The following PLSCR2 variants were observed in gnomAD, a reference collection of about 807,000 sequenced individuals.
PLSCR2 encodes phospholipid scramblase 2, also known as PL scramblase 2.
PLSCR2 carries 18 observed loss-of-function variants against 25.3 expected under a neutral mutation model. The observed-to-expected ratio is 0.71, with a 90% CI of 0.49 to 1.06. The LOEUF is 1.06. Among genes scored for constraint, PLSCR2 ranks in the 50% least tolerant of loss-of-function variants. The pLI is 0.00. For missense variants in PLSCR2, 243 were observed against 269.5 expected, an observed-to-expected ratio of 0.90 and a Z score of 0.69; for synonymous variants, 88 against 87.3, an observed-to-expected ratio of 1.01 and a Z score of -0.04.
intron 1 of PLSCR2, among the ~76,000 whole-genome samples, chr3:146,478,453 C>T (rs1384394420): frequency 6.6e-6 from 1 of 152,056 alleles, no homozygotes; most frequent in Non-Finnish European, 1.5e-5. Flanking sequence ...CATGCACAAG[C>T]TTCAGTAGCT....
chr3:146,432,800 C>T (rs879750842), downstream of PLSCR2, among the ~76,000 whole-genome samples: 17 of 152,240 alleles, frequency 1.1e-4, no homozygotes, highest in South Asian at 4.2e-4. Flanking sequence ...CCTAAAAAGT[C>T]TTCCATATAC....
At chr3:146,460,178 G>A (rs543634543) in exon 1 of PLSCR2, 7 of 1,394,688 alleles carry the variant, frequency 5.0e-6, no homozygotes, top group Non-Finnish European at 6.6e-6. Context: ...TGACCTCTCA[G>A]CTCAGAAGTC....
upstream of PLSCR2, chr3:146,461,713 G>T: frequency 3.3e-6 from 2 of 608,412 alleles, no homozygotes; most frequent in African/African-American, 1.8e-5. Flanking sequence ...GTTCGTGAGA[G>T]AGGAGAGTCA....
intron 6 of PLSCR2, among the ~76,000 whole-genome samples, 161 bp downstream of exon 6, chr3:146,449,045 G>A (rs16858389): frequency 0.028 from 4,259 of 152,202 alleles, 223 homozygotes; most frequent in African/African-American, 0.097. Context: ...TAAATCCAGA[G>A]TATCAGAATC....
At chr3:146,494,655 A>G (rs1434407786) in intron 1 of PLSCR2, 1 of 152,132 alleles carries the variant, frequency 6.6e-6, no homozygotes, top group Non-Finnish European at 1.5e-5. Flanking sequence ...AACCTAAAAT[A>G]CAAACAGTTT....
At chr3:146,426,191 C>T (rs1490828790) in intron 2 of PLSCR2, among the ~76,000 whole-genome samples, 1 of 139,214 alleles carries the variant, frequency 7.2e-6, no homozygotes, top group African/African-American at 2.8e-5. Context: ...TCCTCCCTCC[C>T]TCCTTCCCTC....
exon 2 of PLSCR2, chr3:146,459,902 C>T (rs771464969): frequency 6.2e-7 from 1 of 1,613,778 alleles, no homozygotes; most frequent in East Asian, 2.2e-5. Context: ...GTGGTGCTGG[C>T]ATCCATGGTA....
chr3:146,439,455 T>C (rs2040099580), downstream of PLSCR2, among the ~76,000 whole-genome samples: 1 of 152,204 alleles, frequency 6.6e-6, no homozygotes, highest in Admixed American at 6.5e-5. Context: ...CCCATATTTC[T>C]TGGAGGCTTT....
chr3:146,449,440 T>G, intron 5 of PLSCR2, 73 bp from the exon 6 acceptor site: 1 of 999,158 alleles, frequency 1.0e-6, no homozygotes, highest in Non-Finnish European at 1.5e-6. Context: ...AACACTGGAG[T>G]AAAAGGAAGG....
rs2038307016 is a variant in PLSCR2 at position 146,397,236 on chromosome 3, A to G, written c.101-1315T>C. On this transcript the variant is annotated intron_variant and NMD_transcript_variant, in intron 2 of 3. Coordinates refer to the PLSCR2 transcript ENST00000463633. ...CAGAAACAGGATTAGGGTATTGCAG[A>G]AATATAAGTAATGCAAGTACATGGT... Among the ~76,000 whole-genome samples the G allele has an allele frequency of 3.3e-5, 5 of 152,260 alleles. No homozygotes were observed. The South Asian group carries it at 1.0e-3, about 32-fold the overall frequency.
intron 2 of PLSCR2, among the ~76,000 whole-genome samples, chr3:146,422,837 A>C (rs929639902): frequency 2.6e-5 from 4 of 152,086 alleles, no homozygotes. Flanking sequence ...CAGTGCATAT[A>C]ATTCTCCAAA....
At chr3:146,489,648 T>TA (rs768905495) in intron 1 of PLSCR2, among the ~76,000 whole-genome samples, 26 of 152,142 alleles carry the variant, frequency 1.7e-4, no homozygotes, top group Non-Finnish European at 3.1e-4. Context: ...TCCGAAGTCT[T>TA]AAATGATTCC....
At chr3:146,490,115 T>C (rs1172224538) in intron 1 of PLSCR2, among the ~76,000 whole-genome samples, 1 of 152,084 alleles carries the variant, frequency 6.6e-6, no homozygotes, top group African/African-American at 2.4e-5. Context: ...AATTTCTCTC[T>C]TACTGTGGAC....
At chr3:146,448,056 T>A (rs998615038) in intron 6 of PLSCR2, among the ~76,000 whole-genome samples, 4 of 152,070 alleles carry the variant, frequency 2.6e-5, no homozygotes, top group Non-Finnish European at 5.9e-5. Flanking sequence ...CACTGCCGGG[T>A]ATGGGGGAGG....
chr3:146,449,440 T>C, intron 5 of PLSCR2, 73 bp from the exon 6 acceptor site: 7 of 999,158 alleles, frequency 7.0e-6, no homozygotes, highest in African/African-American at 1.6e-5. Flanking sequence ...AACACTGGAG[T>C]AAAAGGAAGG....
At chr3:146,439,269 C>T (rs772814917), downstream of PLSCR2, among the ~76,000 whole-genome samples, 2 of 152,096 alleles carry the variant, frequency 1.3e-5, no homozygotes, top group African/African-American at 4.8e-5. Flanking sequence ...TTGCTCCTCT[C>T]GAGGAGTATC....
intron 2 of PLSCR2, among the ~76,000 whole-genome samples, chr3:146,400,361 A>C (rs2107996051): frequency 6.6e-6 from 1 of 151,630 alleles, no homozygotes; most frequent in East Asian, 1.9e-4. Flanking sequence ...AAAAAAGTAA[A>C]GTTTAAATAA....
chr3:146,454,086 T>C, exon 5 of PLSCR2: 1 of 1,611,034 alleles, frequency 6.2e-7, no homozygotes, highest in African/African-American at 1.3e-5. Flanking sequence ...GATTTTTAAT[T>C]GTAAACTTTG....
intron 1 of PLSCR2, among the ~76,000 whole-genome samples, chr3:146,487,448 G>A (rs1266168398): frequency 1.3e-5 from 2 of 152,114 alleles, no homozygotes; most frequent in Admixed American, 1.3e-4. Context: ...TTCTTAAGCT[G>A]ATAAGCAAAT....
Sources: gnomAD v4.1 joint callset for allele counts (sites outside exome capture counted in the v4.1 genomes callset) on GRCh38, gnomAD v4.1.1 for gene constraint, MANE v1.5 for transcripts, NCBI Gene and HGNC (gene_info 2026-07-23, HGNC 2026-07-21) for gene names.